UBE2V2: variants seen among roughly 807,000 people sequenced by gnomAD.
The protein encoded by UBE2V2 is ubiquitin-conjugating enzyme E2 variant 2.
Under a neutral mutation model 17.2 loss-of-function variants are expected in UBE2V2, and 9 were observed. The ratio of observed to expected loss-of-function variants is 0.52; its 90% CI spans 0.32 to 0.91. UBE2V2 has a LOEUF of 0.91. UBE2V2 is among the 40% of genes least tolerant of loss of function. The pLI is 0.04. For synonymous variants in UBE2V2, 61 were observed against 57.5 expected (o/e 1.06, Z -0.28); for missense variants, 133 against 182.6 (o/e 0.73, Z 1.56).
intron 1 of UBE2V2, 159 bp downstream of exon 1, chr8:48,008,629 C>T: frequency 2.8e-6 from 3 of 1,074,564 alleles, no homozygotes; most frequent in East Asian, 7.0e-5. Flanking sequence ...CGGGTGGGAC[C>T]GGCGCCGAGG....
chr8:48,046,734 C>T (rs1230226409), intron 2 of UBE2V2, among the ~76,000 whole-genome samples: 2 of 152,028 alleles, frequency 1.3e-5, no homozygotes, highest in Admixed American at 6.5e-5. Flanking sequence ...GTAGCTGGGA[C>T]TATAGGGGTA....
chr8:48,035,239 C>T (rs1341556696), intron 1 of UBE2V2, among the ~76,000 whole-genome samples: 1 of 151,514 alleles, frequency 6.6e-6, no homozygotes, highest in East Asian at 1.9e-4. Context: ...TCTCAGCCTC[C>T]AGAGTAGCTG....
At chr8:48,002,028 G>T in the UBE2V2 span, among the ~76,000 whole-genome samples, 1 of 152,082 alleles carries the variant, frequency 6.6e-6, no homozygotes, top group African/African-American at 2.4e-5. Context: ...GGTGGAGGTT[G>T]CAGTGAGCTG....
At chr8:48,014,809 G>A (rs181618178) in intron 1 of UBE2V2, among the ~76,000 whole-genome samples, 24 of 152,004 alleles carry the variant, frequency 1.6e-4, no homozygotes, top group Non-Finnish European at 3.1e-4. Context: ...CTAGCACTTT[G>A]GGAGGCCGAG....
At chr8:48,045,300 A>G (rs1478154256) in intron 2 of UBE2V2, among the ~76,000 whole-genome samples, 1 of 152,246 alleles carries the variant, frequency 6.6e-6, no homozygotes, top group Non-Finnish European at 1.5e-5. Context: ...AGGAAGACCC[A>G]AAGAAACAGG....
intron 3 of UBE2V2, among the ~76,000 whole-genome samples, chr8:48,053,632 G>A (rs962149318): frequency 2.0e-5 from 3 of 151,810 alleles, no homozygotes; most frequent in African/African-American, 7.3e-5. Flanking sequence ...CACCATGTTG[G>A]TTAGGCTGGT....
At chr8:48,032,982 C>T (rs149254639) in intron 1 of UBE2V2, among the ~76,000 whole-genome samples, 70 of 151,990 alleles carry the variant, frequency 4.6e-4, no homozygotes, top group Middle Eastern at 3.4e-3. Context: ...GTGTTAAAAG[C>T]GGATAGGATG....
intron 1 of UBE2V2, among the ~76,000 whole-genome samples, chr8:48,012,670 A>G (rs1442319548): frequency 6.6e-6 from 1 of 151,950 alleles, no homozygotes; most frequent in Non-Finnish European, 1.5e-5. Flanking sequence ...GTGAGCCGAG[A>G]GCACGCCATT....
chr8:48,058,107 G>A (rs1011489913), intron 3 of UBE2V2, among the ~76,000 whole-genome samples: 7 of 152,144 alleles, frequency 4.6e-5, no homozygotes, highest in African/African-American at 1.7e-4. Context: ...GCCGAGGTGT[G>A]CAGATCCCTT....
At chr8:48,048,651 T>C (rs1409117533) in intron 2 of UBE2V2, among the ~76,000 whole-genome samples, 1 of 152,156 alleles carries the variant, frequency 6.6e-6, no homozygotes, top group Non-Finnish European at 1.5e-5. Context: ...CTTAAAGTAT[T>C]GAAATATTTA....
chr8:48,014,156 G>A (rs1239111999), intron 1 of UBE2V2, among the ~76,000 whole-genome samples: 1 of 152,150 alleles, frequency 6.6e-6, no homozygotes, highest in Non-Finnish European at 1.5e-5. Flanking sequence ...TTGGGAGCCT[G>A]AATTCTCTTG....
At chr8:48,059,867 T>A (rs1169517475) in intron 3 of UBE2V2, among the ~76,000 whole-genome samples, 2 of 152,148 alleles carry the variant, frequency 1.3e-5, no homozygotes. Context: ...TAACTGGGAA[T>A]GGGCTTGCAA....
the UBE2V2 span, among the ~76,000 whole-genome samples, chr8:48,003,016 C>G: frequency 6.6e-6 from 1 of 152,066 alleles, no homozygotes; most frequent in Non-Finnish European, 1.5e-5. Context: ...TTGAGACCAT[C>G]CTGGCCAACA....
At chr8:48,016,698 T>C (rs1395605533) in intron 1 of UBE2V2, among the ~76,000 whole-genome samples, 2 of 150,798 alleles carry the variant, frequency 1.3e-5, no homozygotes, top group Non-Finnish European at 3.0e-5. Flanking sequence ...GTGAGGCTGC[T>C]CTCGAACTCC....
Position 48,008,487 on chromosome 8 carries a change from G to A in UBE2V2, c.16+17G>A. The A allele has an allele frequency of 6.4e-7, 1 of 1,566,968 alleles. No homozygotes were observed. Among genetic ancestry groups the A allele is most frequent in the Non-Finnish European group, 8.6e-7 (1 of 1,158,740 alleles). Reference sequence around the variant, plus strand: ...TCTCCACAGGTCGGTTCCCGGGCCGGGCTGCGTGATTTTCCGCTCCGACCC... The same window carrying A: ...TCTCCACAGGTCGGTTCCCGGGCCGAGCTGCGTGATTTTCCGCTCCGACCC... On this transcript the variant is annotated intron_variant, in intron 1 of 3. Transcript: ENST00000523111.
At chr8:48,046,550 G>A (rs1356684201) in intron 2 of UBE2V2, among the ~76,000 whole-genome samples, 1 of 152,144 alleles carries the variant, frequency 6.6e-6, no homozygotes, top group East Asian at 1.9e-4. Flanking sequence ...CGCCGTGCCC[G>A]GTTGAGAGGA....
At chr8:48,008,552 A>C in intron 1 of UBE2V2, 82 bp downstream of exon 1, 2 of 1,492,998 alleles carry the variant, frequency 1.3e-6, no homozygotes, top group Non-Finnish European at 1.8e-6. Flanking sequence ...CCGAGCGCTG[A>C]CCGTGCGGGA....
At chr8:47,999,564 G>A in the UBE2V2 span, among the ~76,000 whole-genome samples, 1 of 151,882 alleles carries the variant, frequency 6.6e-6, no homozygotes, top group Non-Finnish European at 1.5e-5. Flanking sequence ...GTTTCACCAT[G>A]TTAGCCAGGA....
chr8:48,059,396 A>G (rs960922954), intron 3 of UBE2V2, among the ~76,000 whole-genome samples: 3 of 149,270 alleles, frequency 2.0e-5, no homozygotes, highest in Non-Finnish European at 3.0e-5. Context: ...CTGCTTAAGT[A>G]TTTTGGTTAC....
Sources: gnomAD v4.1 joint callset for allele counts (sites outside exome capture counted in the v4.1 genomes callset) on GRCh38, gnomAD v4.1.1 for gene constraint, MANE v1.5 for transcripts, NCBI Gene and HGNC (gene_info 2026-07-23, HGNC 2026-07-21) for gene names.